Variants in LHPP observed in about 807,000 individuals in gnomAD.
LHPP encodes hLHPP.
In LHPP, 24 loss-of-function variants were observed where a neutral mutation model predicts 30.3. The observed-to-expected ratio is 0.79, with a 90% CI of 0.57 to 1.11. LHPP has a LOEUF of 1.11. LHPP is among the 50% of genes most tolerant of loss of function. LHPP has a pLI of 0.00. For synonymous variants in LHPP, 150 were observed against 157.1 expected (o/e 0.95, Z 0.34); for missense variants, 356 against 367.2 (o/e 0.97, Z 0.25).
At position 124,484,316 on chromosome 10, in the gene LHPP, C is replaced by T. The variant is rs756606133; in HGVS notation, c.303C>T (p.Leu101=). The T allele has an allele frequency of 1.2e-5, 20 of 1,612,374 alleles. No homozygotes were observed. In the South Asian group the frequency reaches 1.5e-4, roughly 12 times the overall value. The change falls in exon 2 of 7, where the codon CTC becomes CTT. Residue 101 remains leucine (L), a synonymous_variant. Coordinates refer to ENST00000368842, the MANE Select transcript of LHPP (RefSeq NM_022126.4). ...LKEQGLRPYL[L]IHDGVRSEFD... is the part of the protein sequence containing the mutation. ...AGCAAGGCCTGCGACCATACCTGCT[C>T]ATCCATGACGGTAGGCCTGTCGGAC...
intron 6 of LHPP, among the ~76,000 whole-genome samples, chr10:124,601,799 C>A (rs987680844): frequency 1.3e-5 from 2 of 152,252 alleles, no homozygotes; most frequent in Admixed American, 6.5e-5. Flanking sequence ...GGCTGGCACA[C>A]GCCCTTGCCT....
chr10:124,483,510 C>T (rs1304028449), intron 1 of LHPP, among the ~76,000 whole-genome samples: 24 of 152,118 alleles, frequency 1.6e-4, no homozygotes, highest in Admixed American at 1.5e-3. Context: ...CGGTGGCTCA[C>T]ACCTGTAATC....
At chr10:124,552,931 GA>G (rs1948200305) in intron 6 of LHPP, among the ~76,000 whole-genome samples, 1 of 152,216 alleles carries the variant, frequency 6.6e-6, no homozygotes, top group Non-Finnish European at 1.5e-5. Context: ...AATGGGTTTG[GA>G]GCTAATTAAG....
intron 6 of LHPP, among the ~76,000 whole-genome samples, chr10:124,598,635 GTCCATCCA>G (rs3083680): frequency 2.0e-5 from 3 of 150,798 alleles, no homozygotes; most frequent in Non-Finnish European, 1.5e-5. Flanking sequence ...CCATCCGTCC[GTCCATCCA>G]TCCATCCATC....
chr10:124,466,396 A>T (rs912303751), intron 1 of LHPP, among the ~76,000 whole-genome samples: 1 of 152,198 alleles, frequency 6.6e-6, no homozygotes, highest in African/African-American at 2.4e-5. Flanking sequence ...AGTGGGGGCC[A>T]CTGTGTGGTT....
chr10:124,466,582 G>A (rs1952558357), intron 1 of LHPP, among the ~76,000 whole-genome samples: 2 of 151,836 alleles, frequency 1.3e-5, no homozygotes, highest in African/African-American at 4.8e-5. Context: ...TCAGCCTCCC[G>A]AGTAGCTGAG....
intron 5 of LHPP, among the ~76,000 whole-genome samples, chr10:124,502,635 C>T (rs888676155): frequency 1.1e-4 from 16 of 143,844 alleles, no homozygotes; most frequent in African/African-American, 2.6e-4. Context: ...CCCAAAGTGC[C>T]GGGATTACAG....
At chr10:124,546,471 C>T (rs780356726) in intron 6 of LHPP, among the ~76,000 whole-genome samples, 55 of 152,170 alleles carry the variant, frequency 3.6e-4, no homozygotes, top group Non-Finnish European at 5.6e-4. Flanking sequence ...GGCGCGATCT[C>T]GGCTCACTGC....
rs2133986885 is a variant in LHPP, at chr10:124,576,993, G to A, written c.717-36271G>A. Among the ~76,000 whole-genome samples the A allele has an allele frequency of 6.6e-6, 1 of 152,324 alleles. No individual in the cohort carries two copies. The highest frequency in any genetic ancestry group is 2.1e-4 in the South Asian group (1 of 4,830). On this transcript the variant is annotated intron_variant, in intron 6 of 6. Transcript: ENST00000368842. The surrounding 1 kb of genome is among the most constrained non-coding windows in gnomAD (Gnocchi z 4.2). ...ACGACCCAGAAATAAAGTAGGCACT[G>A]TAATTTGCATTTTGAGGATAAGGAA... is the stretch of plus-strand genomic sequence containing the variant.
At chr10:124,515,892 G>T (rs1244040007) in intron 5 of LHPP, among the ~76,000 whole-genome samples, 8 of 152,156 alleles carry the variant, frequency 5.3e-5, no homozygotes, top group Non-Finnish European at 1.2e-4. Context: ...CCTCCCTCAC[G>T]TGTGCTGGCA....
chr10:124,472,734 T>C (rs1385721384), intron 1 of LHPP, among the ~76,000 whole-genome samples: 8 of 152,072 alleles, frequency 5.3e-5, no homozygotes. Context: ...ACTTTTGTAT[T>C]TTTAGTAGAG....
chr10:124,552,387 C>T (rs2133960438), intron 6 of LHPP, among the ~76,000 whole-genome samples: 1 of 152,236 alleles, frequency 6.6e-6, no homozygotes, highest in South Asian at 2.1e-4. Context: ...ACCCCTCTCT[C>T]ACATACAGGC....
At chr10:124,470,332 A>G (rs1414422148) in intron 1 of LHPP, among the ~76,000 whole-genome samples, 1 of 152,018 alleles carries the variant, frequency 6.6e-6, no homozygotes, top group Non-Finnish European at 1.5e-5. Context: ...CGGCGGAAGG[A>G]AGAAGACTTG....
intron 1 of LHPP, among the ~76,000 whole-genome samples, chr10:124,476,482 C>T (rs1952947727): frequency 6.6e-6 from 1 of 152,164 alleles, no homozygotes; most frequent in Non-Finnish European, 1.5e-5. Context: ...CACCATCACC[C>T]ATCACTGTTT....
intron 6 of LHPP, among the ~76,000 whole-genome samples, chr10:124,572,587 C>T (rs1223167104): frequency 2.0e-5 from 3 of 149,794 alleles, no homozygotes; most frequent in Admixed American, 6.7e-5. Flanking sequence ...ACCGAGATCA[C>T]GCCATTGCAC....
In LHPP at chr10:124,517,640, C is replaced by T. The variant is rs532301130; in HGVS notation, c.716+369C>T. On this transcript the variant is annotated intron_variant, in intron 6 of 6. Coordinates refer to ENST00000368842, the MANE Select transcript of LHPP (RefSeq NM_022126.4). This position sits in a 1 kb window ranked among gnomAD's most constrained non-coding sequence, Gnocchi z 4.1. ...ACTACGGCAGTTACAGCTGTGGGCA[C>T]TCAGCCCCTTGGACAGCCTCCCTCT... 1.3e-5 allele frequency among the ~76,000 whole-genome samples: 2 copies of T among 152,358 alleles called. No homozygotes were observed. The highest frequency in any genetic ancestry group is 1.9e-4 in the East Asian group (1 of 5,188).
chr10:124,506,722 G>T (rs1185868398), intron 5 of LHPP, among the ~76,000 whole-genome samples: 1 of 76,796 alleles, frequency 1.3e-5, no homozygotes, highest in Non-Finnish European at 2.6e-5. Context: ...TTCAAGTGGG[G>T]TGGGTAAGGA....
Position 124,468,321 on chromosome 10 carries a change from T to C in LHPP, c.125+6334T>C, listed in dbSNP as rs1414358406. Among the ~76,000 whole-genome samples, 5 of 152,302 alleles carry C rather than the reference T, an allele frequency of 3.3e-5. No individual in the cohort carries two copies. In the East Asian group the frequency reaches 9.6e-4, roughly 29 times the overall value. On this transcript the variant is annotated intron_variant, in intron 1 of 6. Coordinates refer to ENST00000368842, the MANE Select transcript of LHPP (RefSeq NM_022126.4). ...GGGGTGTCTCTGGTAGCAGCTATAC[T>C]GTATACATCTAACAGCAATGTAATA... is the stretch of plus-strand genomic sequence containing the variant.
chr10:124,479,553 A>G (rs1287712178), intron 1 of LHPP, among the ~76,000 whole-genome samples: 3 of 152,170 alleles, frequency 2.0e-5, no homozygotes, highest in Non-Finnish European at 4.4e-5. Context: ...TGGAAGGCTG[A>G]TATCAGGGGG....
Sources: allele counts gnomAD v4.1 joint callset (sites outside exome capture counted in the v4.1 genomes callset), GRCh38; gene constraint gnomAD v4.1.1; non-coding constraint Gnocchi (gnomAD v3.1); transcripts MANE v1.5; gene names NCBI Gene and HGNC (gene_info 2026-07-23, HGNC 2026-07-21).